The following KIRREL1 variants were observed in gnomAD, a reference collection of about 807,000 sequenced individuals.
KIRREL1 encodes kirre like nephrin family adhesion molecule 1.
KIRREL1 carries 25 observed loss-of-function variants against 83.3 expected under a neutral mutation model. That is an observed-to-expected ratio of 0.30 (90% CI 0.22 to 0.42). The LOEUF (loss-of-function observed/expected upper bound fraction) is 0.42, where lower values mean the gene tolerates loss of function less well. Ranked by LOEUF, KIRREL1 falls within the 10% of genes least tolerant of loss-of-function variation. KIRREL1 has a pLI of 1.00. For missense variants in KIRREL1, 812 were observed against 1,032.3 expected (o/e 0.79, Z 2.92); for synonymous variants, 388 against 410.4 (o/e 0.95, Z 0.66).
intron 1 of KIRREL1, among the ~76,000 whole-genome samples, chr1:158,022,983 G>A (rs989180712): frequency 7.9e-5 from 12 of 152,212 alleles, no homozygotes; most frequent in African/African-American, 1.2e-4. Flanking sequence ...GAGGGTCCAC[G>A]GGTGTCTTCT....
At position 158,089,814 on chromosome 1, in the gene KIRREL1, G is replaced by A. The variant is rs1483553320; in HGVS notation, c.1268G>A (p.Arg423His). 5.6e-6 allele frequency: 9 copies of A among 1,613,812 alleles called. No individual in the cohort carries two copies. Among genetic ancestry groups the A allele is most frequent in the Admixed American group, 5.0e-5 (3 of 60,010 alleles). ...CFIGSTPPPD[R>H]IAWAWKENFL... Reference sequence around the variant, plus strand: ...ATTGGGAGCACACCACCCCCAGACCGCATAGTGAGTGGCGGACCTGCCTGC... The same window carrying A: ...ATTGGGAGCACACCACCCCCAGACCACATAGTGAGTGGCGGACCTGCCTGC... The change falls in exon 10 of 15, where the codon CGC becomes CAC. Residue 423 changes from arginine (R) to histidine (H), a missense_variant. Physicochemically the swap from Arg to His is conservative, Grantham distance 29 (BLOSUM62 0). Transcript: ENST00000359209.
chr1:158,065,039 C>T (rs927853044), intron 1 of KIRREL1, among the ~76,000 whole-genome samples: 11 of 147,238 alleles, frequency 7.5e-5, no homozygotes, highest in South Asian at 2.2e-4. Context: ...AAATTAGAAA[C>T]AGAGAGGGGT....
chr1:158,095,545 C>A lies in KIRREL1; in HGVS notation c.*425C>A. The A allele has an allele frequency of 6.1e-6, 1 of 163,048 alleles. No homozygotes were observed. Among genetic ancestry groups the A allele is most frequent in the Non-Finnish European group, 1.3e-5 (1 of 75,808 alleles). 10.1% of individuals were successfully genotyped at this position (163,048 alleles called of 1,614,324 possible). On this transcript the variant is annotated 3_prime_UTR_variant, in exon 15 of 15. Transcript: ENST00000359209. ...GAAGTATGGGAGTGGGTGGCTGTGGCACAGACAGGTGGAAAACGGGATAGC... is the reference window on the plus strand; with the variant it reads ...GAAGTATGGGAGTGGGTGGCTGTGGAACAGACAGGTGGAAAACGGGATAGC...
At chr1:158,015,065 T>C (rs1659792031) in intron 1 of KIRREL1, among the ~76,000 whole-genome samples, 1 of 152,180 alleles carries the variant, frequency 6.6e-6, no homozygotes, top group African/African-American at 2.4e-5. Flanking sequence ...TTTTTTTTTA[T>C]TGCCAAAGTA....
chr1:158,035,753 C>A (rs1346391204), intron 1 of KIRREL1, among the ~76,000 whole-genome samples: 1 of 152,140 alleles, frequency 6.6e-6, no homozygotes, highest in Non-Finnish European at 1.5e-5. Flanking sequence ...TGGAGACAGG[C>A]CATGCCCCTG....
At chr1:158,043,854 C>T (rs1660705866) in intron 1 of KIRREL1, among the ~76,000 whole-genome samples, 1 of 152,152 alleles carries the variant, frequency 6.6e-6, no homozygotes, top group Non-Finnish European at 1.5e-5. Context: ...CACAAAGGAC[C>T]CCATGTTTAA....
chr1:158,096,067 T>C lies in KIRREL1; in HGVS notation c.*947T>C, dbSNP rs1662349158. On this transcript the variant is annotated 3_prime_UTR_variant, in exon 15 of 15. Coordinates refer to ENST00000359209, the MANE Select transcript of KIRREL1 (RefSeq NM_018240.7). ...CTTTTTCAAAGAAAACAAAAAACAA[T>C]GAAAACCTCATTTGGGAAGAAAAGC... is the stretch of plus-strand genomic sequence containing the variant. 6.5e-6 allele frequency: 1 copy of C among 154,226 alleles called. No individual in the cohort carries two copies. The highest frequency in any genetic ancestry group is 2.4e-5 in the African/African-American group (1 of 41,366). 9.6% of individuals were successfully genotyped at this position (154,226 alleles called of 1,614,324 possible).
chr1:158,099,663 C>A lies in KIRREL1; in HGVS notation c.*4543C>A, dbSNP rs551328504. The A allele has an allele frequency of 1.3e-5, 2 of 152,248 alleles. No individual in the cohort carries two copies. Among genetic ancestry groups the A allele is most frequent in the South Asian group, 4.1e-4 (2 of 4,820 alleles). The allele number at this position is 152,248 out of a possible 1,614,324, so 9.4% of individuals were successfully genotyped here. A position where few individuals can be genotyped will look rare whatever the true frequency, so the allele number is the denominator to read the frequency against. On this transcript the variant is annotated 3_prime_UTR_variant, in exon 15 of 15. Coordinates refer to ENST00000359209, the MANE Select transcript of KIRREL1 (RefSeq NM_018240.7). The stretch of plus-strand genomic sequence containing the variant: ...ATAATAACAATAATAATAATAACTC[C>A]ATTTGCATAGAACTGTCACTCATTC...
At chr1:158,052,344 A>T (rs1036023445) in intron 1 of KIRREL1, among the ~76,000 whole-genome samples, 1 of 152,170 alleles carries the variant, frequency 6.6e-6, no homozygotes, top group Non-Finnish European at 1.5e-5. Context: ...AACACCTATT[A>T]TATTTCAAAT....
intron 1 of KIRREL1, among the ~76,000 whole-genome samples, chr1:158,050,349 G>A (rs1017342219): frequency 1.1e-4 from 16 of 151,872 alleles, no homozygotes; most frequent in Non-Finnish European, 2.1e-4. Context: ...AAATACCTGA[G>A]GCCCAGAGAG....
chr1:158,090,388 C>T (rs3768542), intron 10 of KIRREL1, among the ~76,000 whole-genome samples: 22,860 of 152,140 alleles, frequency 0.15, 1,800 homozygotes, highest in African/African-American at 0.21. Flanking sequence ...TTCTCCTCTC[C>T]CCCACACCAT....
chr1:158,067,556 C>T (rs1661388561), intron 1 of KIRREL1, among the ~76,000 whole-genome samples: 1 of 152,198 alleles, frequency 6.6e-6, no homozygotes, highest in Non-Finnish European at 1.5e-5. Flanking sequence ...GATGGGAAGG[C>T]CCTTGGGGGC....
intron 1 of KIRREL1, 45 bp downstream of exon 1, chr1:157,993,773 G>A (rs767570355): frequency 2.2e-6 from 3 of 1,340,258 alleles, no homozygotes; most frequent in Admixed American, 5.4e-5. Context: ...TTCCCCCCGG[G>A]GCCGGGGCAC....
At position 158,098,309 on chromosome 1, in the gene KIRREL1, A is replaced by G. The variant is rs966482989; in HGVS notation, c.*3189A>G. ...CAGGACATAGTATGCACATAGGGAT[A>G]TTGTTATGTGCCTAGGTTTCAGGCA... is the stretch of plus-strand genomic sequence containing the variant. On this transcript the variant is annotated 3_prime_UTR_variant, in exon 15 of 15. Coordinates refer to ENST00000359209, the MANE Select transcript of KIRREL1 (RefSeq NM_018240.7). 5 of 152,306 alleles carry G rather than the reference A, an allele frequency of 3.3e-5. No homozygotes were observed. In the East Asian group the frequency reaches 5.8e-4, roughly 18 times the overall value. The allele number at this position is 152,306 out of a possible 1,614,324, so 9.4% of individuals were successfully genotyped here.
chr1:158,018,216 G>T (rs142278719), intron 1 of KIRREL1, among the ~76,000 whole-genome samples: 11 of 152,190 alleles, frequency 7.2e-5, no homozygotes, highest in Non-Finnish European at 1.3e-4. Context: ...GGTCAGAATT[G>T]TCAGGAGTTA....
At chr1:157,996,180 A>G (rs1659194172) in intron 1 of KIRREL1, among the ~76,000 whole-genome samples, 1 of 152,034 alleles carries the variant, frequency 6.6e-6, no homozygotes, top group African/African-American at 2.4e-5. Context: ...AGAAATAAAA[A>G]TCGCATTTTA....
chr1:158,035,404 AG>A (rs1196607819), intron 1 of KIRREL1, among the ~76,000 whole-genome samples: 1 of 152,218 alleles, frequency 6.6e-6, no homozygotes, highest in Non-Finnish European at 1.5e-5. Flanking sequence ...CCATCAGCAG[AG>A]GGTCCAGGGT....
intron 1 of KIRREL1, among the ~76,000 whole-genome samples, chr1:158,028,409 AT>A (rs755196391): frequency 1.3e-5 from 2 of 152,162 alleles, no homozygotes; most frequent in Non-Finnish European, 2.9e-5. Context: ...CTTAAATGAA[AT>A]TTAGGGAGAA....
At position 158,095,237 on chromosome 1, in the gene KIRREL1, C is replaced by T. The variant is rs1232047606; in HGVS notation, c.*117C>T. 3 of 776,204 alleles carry T rather than the reference C, an allele frequency of 3.9e-6. No homozygotes were observed. The highest frequency in any genetic ancestry group is 2.7e-5 in the East Asian group (1 of 37,156). 48.1% of individuals were successfully genotyped at this position (776,204 alleles called of 1,614,324 possible). A position where few individuals can be genotyped will look rare whatever the true frequency, so the allele number is the denominator to read the frequency against. On this transcript the variant is annotated 3_prime_UTR_variant, in exon 15 of 15. Transcript: ENST00000359209. Reference sequence around the variant, plus strand: ...CTTCTCGGACCAGCCTTCTTCCTCCCACCATGGCAGGTGGGGAGCAGGTCT... The same window carrying T: ...CTTCTCGGACCAGCCTTCTTCCTCCTACCATGGCAGGTGGGGAGCAGGTCT...
Sources: allele counts gnomAD v4.1 joint callset (sites outside exome capture counted in the v4.1 genomes callset), GRCh38; gene constraint gnomAD v4.1.1; transcripts MANE v1.5; gene names NCBI Gene and HGNC (gene_info 2026-07-23, HGNC 2026-07-21).